PJA2: variants seen among roughly 807,000 people sequenced by gnomAD.
PJA2 encodes praja ring finger ubiquitin ligase 2.
PJA2 carries 25 observed loss-of-function variants against 69.3 expected under a neutral mutation model. The observed-to-expected ratio is 0.36, with a 90% CI of 0.26 to 0.50. The LOEUF (loss-of-function observed/expected upper bound fraction) is 0.50. Among genes scored for constraint, PJA2 ranks in the 20% least tolerant of loss-of-function variants. PJA2 has a pLI of 0.96. For synonymous variants in PJA2, 308 were observed against 277.8 expected, an observed-to-expected ratio of 1.11 and a Z score of -1.08; for missense variants, 809 against 830.2, an observed-to-expected ratio of 0.97 and a Z score of 0.31.
chr5:109,389,162 A>G (rs1348475812), intron 1 of PJA2, among the ~76,000 whole-genome samples: 1 of 152,164 alleles, frequency 6.6e-6, no homozygotes, highest in East Asian at 1.9e-4. Context: ...CTAAAGTCAT[A>G]AAATATGCAA....
intron 1 of PJA2, among the ~76,000 whole-genome samples, chr5:109,399,707 C>G (rs1561365906): frequency 1.3e-5 from 2 of 152,002 alleles, no homozygotes; most frequent in South Asian, 4.1e-4. Context: ...GCCATTCAGT[C>G]AAAAATTACA....
intron 2 of PJA2, among the ~76,000 whole-genome samples, chr5:109,382,490 T>C (rs1747072914): frequency 6.6e-6 from 1 of 152,212 alleles, no homozygotes; most frequent in Admixed American, 6.5e-5. Context: ...TAGTCAATTA[T>C]ACATTACATG....
At chr5:109,341,813 C>T (rs1582579921) in intron 9 of PJA2, among the ~76,000 whole-genome samples, 5 of 103,926 alleles carry the variant, frequency 4.8e-5, no homozygotes, top group Admixed American at 3.8e-4. Flanking sequence ...CCGCCCCGTC[C>T]GGGAGGGAGG....
chr5:109,389,441 T>C (rs1360548736), intron 1 of PJA2, among the ~76,000 whole-genome samples: 1 of 152,144 alleles, frequency 6.6e-6, no homozygotes, highest in Non-Finnish European at 1.5e-5. Context: ...TTGTACATAA[T>C]TCCCTTTCAT....
intron 2 of PJA2, among the ~76,000 whole-genome samples, chr5:109,382,996 T>C (rs945395588): frequency 2.6e-5 from 4 of 152,108 alleles, no homozygotes; most frequent in Non-Finnish European, 4.4e-5. Context: ...ATAAATAATA[T>C]CAAGTGTTAC....
intron 7 of PJA2, among the ~76,000 whole-genome samples, chr5:109,349,406 T>C (rs547711476): frequency 6.6e-6 from 1 of 152,296 alleles, no homozygotes; most frequent in East Asian, 1.9e-4. Context: ...CAGAGCACAC[T>C]GGGACTAGAG....
At chr5:109,353,436 ATATATAGATAT>A (rs1762311656) in intron 7 of PJA2, among the ~76,000 whole-genome samples, 1 of 50,462 alleles carries the variant, frequency 2.0e-5, no homozygotes. Context: ...TTAGATACCT[ATATATAGATAT>A]CTATATATTA....
chr5:109,404,797 T>A (rs536802962), intron 1 of PJA2, among the ~76,000 whole-genome samples: 2 of 152,304 alleles, frequency 1.3e-5, no homozygotes, highest in African/African-American at 4.8e-5. Flanking sequence ...ATGCTATGAA[T>A]TTTGGAAGGG....
chr5:109,359,249 A>G (rs562903122), intron 6 of PJA2, among the ~76,000 whole-genome samples: 2 of 152,310 alleles, frequency 1.3e-5, no homozygotes, highest in East Asian at 3.9e-4. Context: ...ATCACATACA[A>G]AATATGTGGC....
chr5:109,352,733 G>A (rs1029492196), intron 7 of PJA2, among the ~76,000 whole-genome samples: 1 of 151,836 alleles, frequency 6.6e-6, no homozygotes, highest in African/African-American at 2.4e-5. Flanking sequence ...ATGTGAACAT[G>A]TATATGCATG....
intron 6 of PJA2, among the ~76,000 whole-genome samples, chr5:109,358,840 A>C (rs2126996824): frequency 6.6e-6 from 1 of 152,308 alleles, no homozygotes; most frequent in East Asian, 1.9e-4. Context: ...ATAAAACAAA[A>C]AACAAAAAAT....
intron 1 of PJA2, among the ~76,000 whole-genome samples, chr5:109,390,307 G>A (rs1747252929): frequency 6.6e-6 from 1 of 151,750 alleles, no homozygotes; most frequent in African/African-American, 2.4e-5. Context: ...ATGTCTTCTT[G>A]ATAAATTGGC....
intron 9 of PJA2, among the ~76,000 whole-genome samples, chr5:109,338,831 A>G (rs1336212237): frequency 2.0e-5 from 3 of 152,150 alleles, no homozygotes; most frequent in Admixed American, 1.3e-4. Context: ...AATAAGTCCT[A>G]AAGTACTGTG....
intron 1 of PJA2, among the ~76,000 whole-genome samples, chr5:109,405,627 A>G (rs548486931): frequency 1.3e-5 from 2 of 152,248 alleles, no homozygotes; most frequent in Non-Finnish European, 2.9e-5. Context: ...GACAAAGTTA[A>G]TTCAATGGGG....
chr5:109,393,934 C>T (rs1342976229), intron 1 of PJA2, among the ~76,000 whole-genome samples: 1 of 150,690 alleles, frequency 6.6e-6, no homozygotes, highest in African/African-American at 2.4e-5. Context: ...TGTTACATAC[C>T]AAGAGAGAAT....
At chr5:109,351,769 C>T (rs972133597) in intron 7 of PJA2, among the ~76,000 whole-genome samples, 2 of 151,910 alleles carry the variant, frequency 1.3e-5, no homozygotes, top group Non-Finnish European at 2.9e-5. Context: ...GAAATGAAAG[C>T]AACTACTTCC....
chr5:109,342,083 C>G (rs1171800225), intron 9 of PJA2, among the ~76,000 whole-genome samples: 3 of 125,044 alleles, frequency 2.4e-5, no homozygotes, highest in African/African-American at 2.8e-5. Flanking sequence ...CCAGCCGCCC[C>G]GTCCGGGAGG....
chr5:109,371,966 TAATA>T (rs2127003105), intron 4 of PJA2, among the ~76,000 whole-genome samples: 1 of 152,352 alleles, frequency 6.6e-6, no homozygotes, highest in African/African-American at 2.4e-5. Flanking sequence ...GTAAGTGAGT[TAATA>T]TATATAAAAC....
chr5:109,398,824 C>T (rs114458371), intron 1 of PJA2, among the ~76,000 whole-genome samples: 4,615 of 151,954 alleles, frequency 0.03, 91 homozygotes, highest in Middle Eastern at 0.048. Context: ...AGAGCAGAGT[C>T]AGGAAACAGT....
Sources: gnomAD v4.1 joint callset for allele counts (sites outside exome capture counted in the v4.1 genomes callset) on GRCh38, gnomAD v4.1.1 for gene constraint, MANE v1.5 for transcripts, NCBI Gene and HGNC (gene_info 2026-07-23, HGNC 2026-07-21) for gene names.